Variants in USP47 observed in about 807,000 individuals in gnomAD.
USP47 encodes the protein ubiquitin specific peptidase 47.
Under a neutral mutation model 165.1 loss-of-function variants are expected in USP47, and 35 were observed. The observed-to-expected ratio is 0.21, with a 90% CI of 0.16 to 0.28. The LOEUF (loss-of-function observed/expected upper bound fraction) is 0.28, where lower values mean the gene tolerates loss of function less well. Ranked by LOEUF, USP47 falls within the 10% of genes least tolerant of loss-of-function variation. The pLI is 1.00. For synonymous variants in USP47, 531 were observed against 544.5 expected (o/e 0.98, Z 0.35); for missense variants, 1,277 against 1,607.4 (o/e 0.79, Z 3.52).
rs1451696565 is a variant in USP47 at position 11,958,820 on chromosome 11, T to G, written c.*2645T>G. On this transcript the variant is annotated 3_prime_UTR_variant, in exon 28 of 28. Coordinates refer to ENST00000527733, the MANE Select transcript of USP47 (RefSeq NM_001282659.2). ...ACGTGTATGTAAGGAAGAGCAATCA[T>G]GATAGATAAGAACAGTGTGTGAAGC... The G allele has an allele frequency of 6.6e-6, 1 of 152,208 alleles. No homozygotes were observed. Among genetic ancestry groups the G allele is most frequent in the East Asian group, 1.9e-4 (1 of 5,192 alleles). The allele number at this position is 152,208 out of a possible 1,614,324, so 9.4% of individuals were successfully genotyped here. A position where few individuals can be genotyped will look rare whatever the true frequency, so the allele number is the denominator to read the frequency against.
At position 11,929,493 on chromosome 11, in the gene USP47, T is replaced by TCC; in HGVS notation, c.1447_1448insCC (p.His483ProfsTer7). 6.2e-7 allele frequency: 1 copy of TCC among 1,613,386 alleles called. No individual in the cohort carries two copies. Among genetic ancestry groups the TCC allele is most frequent in the Non-Finnish European group, 8.5e-7 (1 of 1,179,458 alleles). ...TTCATTCTGGGAGCGCTGCTGGTGG[T>TCC]CATTATTATGCATGTATAAAGTCAT... On this transcript the variant is annotated frameshift_variant, in exon 12 of 28. Coordinates refer to ENST00000527733, the MANE Select transcript of USP47 (RefSeq NM_001282659.2). LOFTEE classifies it high-confidence loss of function.
In USP47 at chr11:11,842,128, G is replaced by A. The variant is rs930278889; in HGVS notation, c.-58G>A. The A allele has an allele frequency of 2.6e-6, 4 of 1,544,848 alleles. No individual in the cohort carries two copies. Among genetic ancestry groups the A allele is most frequent in the South Asian group, 2.4e-5 (2 of 83,564 alleles). ...CTGCCATTCTCTCTTGAGCTAGCGA[G>A]CCGCCGCCACCCTCCACCCTCCCCC... On this transcript the variant is annotated 5_prime_UTR_variant, in exon 1 of 28. Transcript: ENST00000527733.
At chr11:11,892,659 T>C (rs1851604629) in intron 4 of USP47, among the ~76,000 whole-genome samples, 3 of 150,948 alleles carry the variant, frequency 2.0e-5, no homozygotes. Context: ...AAAATCAAAA[T>C]AAAAAAATTA....
intron 1 of USP47, among the ~76,000 whole-genome samples, chr11:11,861,269 A>T (rs1023693424): frequency 6.6e-6 from 1 of 151,738 alleles, no homozygotes; most frequent in Non-Finnish European, 1.5e-5. Flanking sequence ...TAATTTTTGT[A>T]TTTTTTAGTA....
intron 3 of USP47, among the ~76,000 whole-genome samples, chr11:11,886,537 A>C (rs1017845925): frequency 3.9e-5 from 6 of 152,198 alleles, no homozygotes; most frequent in African/African-American, 1.4e-4. Context: ...GCAGACAAGA[A>C]TAGAGAAAAA....
Position 11,922,905 on chromosome 11 carries a change from T to A in USP47, c.1386+14T>A, listed in dbSNP as rs1853942011. On this transcript the variant is annotated intron_variant, in intron 11 of 27. Coordinates refer to ENST00000527733, the MANE Select transcript of USP47 (RefSeq NM_001282659.2). ...GGACTTGAAAAGGTACCTTTTATAG[T>A]TTGCATTTTTTAGTTGAAAGTGAGA... 5 of 1,603,534 alleles carry A rather than the reference T, an allele frequency of 3.1e-6. No homozygotes were observed. Among genetic ancestry groups the A allele is most frequent in the Non-Finnish European group, 4.3e-6 (5 of 1,175,106 alleles).
Position 11,942,711 on chromosome 11 carries a change from C to T in USP47, c.2690C>T (p.Ser897Phe). The T allele has an allele frequency of 6.2e-7, 1 of 1,613,642 alleles. No homozygotes were observed. Among genetic ancestry groups the T allele is most frequent in the African/African-American group, 1.3e-5 (1 of 75,020 alleles). ...NIESPLNERD[S>F]SASVDNRELE... Reference sequence around the variant, plus strand: ...GAATCACCTCTCAATGAGAGGGACTCTTCAGCATCAGTGGATAATAGAGAA... The same window carrying T: ...GAATCACCTCTCAATGAGAGGGACTTTTCAGCATCAGTGGATAATAGAGAA... The change falls in exon 20 of 28, where the codon TCT (serine) becomes TTT (phenylalanine). Residue 897 changes from serine to phenylalanine, a missense_variant. Physicochemically the swap from Ser to Phe is radical, Grantham distance 155 (BLOSUM62 -2). Coordinates refer to ENST00000527733, the MANE Select transcript of USP47 (RefSeq NM_001282659.2).
At position 11,942,987 on chromosome 11, in the gene USP47, C is replaced by CAGA; in HGVS notation, c.2973_2975dup (p.Glu991dup). On this transcript the variant is annotated inframe_insertion, in exon 20 of 28. Coordinates refer to ENST00000527733, the MANE Select transcript of USP47 (RefSeq NM_001282659.2). ...GGGAAAAAAGAAACATGGGATACAG[C>CAGA]AGAAGAAGACTCTGGAACTGATAGT... The CAGA allele has an allele frequency of 6.2e-7, 1 of 1,613,498 alleles. No homozygotes were observed. The highest frequency in any genetic ancestry group is 8.5e-7 in the Non-Finnish European group (1 of 1,179,674).
At chr11:11,856,464 T>G (rs959544343) in intron 1 of USP47, 2 of 152,224 alleles carry the variant, frequency 1.3e-5, no homozygotes, top group African/African-American at 2.4e-5. Context: ...TTTCTTTTCA[T>G]AATACATTTT....
At chr11:11,886,714 C>T (rs1200570582) in intron 3 of USP47, among the ~76,000 whole-genome samples, 1 of 151,988 alleles carries the variant, frequency 6.6e-6, no homozygotes, top group Non-Finnish European at 1.5e-5. Flanking sequence ...GCAAGACAGG[C>T]CAACATTCAA....
chr11:11,859,853 C>T (rs935938931), intron 1 of USP47, among the ~76,000 whole-genome samples: 1 of 152,092 alleles, frequency 6.6e-6, no homozygotes, highest in African/African-American at 2.4e-5. Flanking sequence ...CCTGTAATCC[C>T]AGCACTTTGG....
chr11:11,858,258 A>G (rs1849172797), intron 1 of USP47, among the ~76,000 whole-genome samples: 1 of 152,064 alleles, frequency 6.6e-6, no homozygotes, highest in African/African-American at 2.4e-5. Context: ...GTTAAATACT[A>G]ATATTATAGC....
intron 7 of USP47, among the ~76,000 whole-genome samples, chr11:11,904,167 G>C (rs2134458792): frequency 6.6e-6 from 1 of 152,250 alleles, no homozygotes. Flanking sequence ...TATGCACTGG[G>C]TTGCAGTGTA....
intron 16 of USP47, among the ~76,000 whole-genome samples, chr11:11,934,781 A>G (rs1415216240): frequency 6.6e-6 from 1 of 152,178 alleles, no homozygotes; most frequent in Non-Finnish European, 1.5e-5. Context: ...CTGTTTCACC[A>G]GATCATTCTA....
intron 22 of USP47, 42 bp from the exon 23 acceptor site, chr11:11,949,847 A>C: frequency 7.5e-7 from 1 of 1,331,996 alleles, no homozygotes; most frequent in Non-Finnish European, 1.1e-6. Context: ...AATGTACTTA[A>C]GGTATAATTC....
chr11:11,888,681 ACTC>A (rs1851322948), intron 3 of USP47, among the ~76,000 whole-genome samples: 1 of 152,002 alleles, frequency 6.6e-6, no homozygotes. Flanking sequence ...AAAAGGAAGA[ACTC>A]CTCCCTAATT....
At chr11:11,856,115 G>T (rs774768609) in intron 1 of USP47, among the ~76,000 whole-genome samples, 5 of 149,098 alleles carry the variant, frequency 3.4e-5, no homozygotes, top group African/African-American at 1.2e-4. Flanking sequence ...TGCATGGGGC[G>T]CCTGGTTCTG....
At chr11:11,929,353 GT>G (rs1451820169) in intron 11 of USP47, 80 bp from the exon 12 acceptor site, 2 of 1,525,694 alleles carry the variant, frequency 1.3e-6, no homozygotes, top group African/African-American at 2.8e-5. Flanking sequence ...ACTTCTCTGT[GT>G]GTTAACAGAG....
intron 8 of USP47, among the ~76,000 whole-genome samples, chr11:11,917,626 TAAG>T (rs1432489626): frequency 4.0e-5 from 2 of 50,272 alleles, no homozygotes; most frequent in Non-Finnish European, 7.0e-5. Flanking sequence ...ACTGAAAGCT[TAAG>T]AAAGAGTAAA....
Sources: gnomAD v4.1 joint callset for allele counts (sites outside exome capture counted in the v4.1 genomes callset) on GRCh38, gnomAD v4.1.1 for gene constraint, MANE v1.5 for transcripts, NCBI Gene and HGNC (gene_info 2026-07-23, HGNC 2026-07-21) for gene names.